Variants in GPC3 observed in about 807,000 individuals in gnomAD.
The protein encoded by GPC3 is glypican-3.
Under a neutral mutation model 34.4 loss-of-function variants are expected in GPC3, and 3 were observed. The observed-to-expected ratio is 0.09, with a 90% confidence interval of 0.04 to 0.23. The LOEUF (loss-of-function observed/expected upper bound fraction) is 0.23, where lower values mean the gene tolerates loss of function less well. GPC3 is among the 10% of genes least tolerant of loss of function. GPC3 has a pLI of 1.00. For synonymous variants in GPC3, 177 were observed against 174.0 expected (o/e 1.02, Z -0.13); for missense variants, 351 against 445.6 (o/e 0.79, Z 1.91).
chrX:133,561,820 C>T (rs2069540887), intron 7 of GPC3, among the ~76,000 whole-genome samples: 1 of 112,026 alleles, frequency 8.9e-6, no homozygotes, highest in Non-Finnish European at 1.9e-5. Context: ...GGAGCACTTG[C>T]AATGATGTCA....
intron 2 of GPC3, among the ~76,000 whole-genome samples, chrX:133,933,786 C>T (rs981631981): frequency 9.1e-6 from 1 of 110,478 alleles, no homozygotes; most frequent in African/African-American, 3.3e-5. Flanking sequence ...CTGAGGCCTC[C>T]CCAGAAACTG....
chrX:133,740,656 T>G (rs2071555401), intron 3 of GPC3, among the ~76,000 whole-genome samples: 1 of 111,602 alleles, frequency 9.0e-6, no homozygotes, highest in Admixed American at 9.5e-5. Flanking sequence ...CTTCCATGTA[T>G]GGAAAGAGAT....
At chrX:133,600,708 TGGATTTA>T (rs200466412) in intron 6 of GPC3, among the ~76,000 whole-genome samples, 1,791 of 110,531 alleles carry the variant, frequency 0.016, 32 homozygotes, top group African/African-American at 0.056. Flanking sequence ...CAGCAAGGAG[TGGATTTA>T]GGCAGCCTGG....
chrX:133,703,695 C>T (rs1293882385), intron 3 of GPC3, among the ~76,000 whole-genome samples: 4 of 111,856 alleles, frequency 3.6e-5, no homozygotes, highest in East Asian at 2.8e-4. Flanking sequence ...CTCCTGACCT[C>T]GTGATCCACC....
At chrX:133,780,103 C>T (rs935119714) in intron 2 of GPC3, among the ~76,000 whole-genome samples, 1 of 111,403 alleles carries the variant, frequency 9.0e-6, no homozygotes, top group Admixed American at 9.6e-5. Flanking sequence ...GACCTAGACG[C>T]CATGCTAGGA....
At chrX:133,897,828 C>T (rs1332333197) in intron 2 of GPC3, among the ~76,000 whole-genome samples, 1 of 111,869 alleles carries the variant, frequency 8.9e-6, no homozygotes, top group East Asian at 2.8e-4. Context: ...CTAATCCAGA[C>T]ATTGAAACAC....
chrX:133,627,350 A>C (rs907462155), intron 6 of GPC3, among the ~76,000 whole-genome samples: 1 of 111,776 alleles, frequency 8.9e-6, no homozygotes, highest in African/African-American at 3.3e-5. Flanking sequence ...TATTTGGCTA[A>C]AATCTTAGGT....
At chrX:133,882,118 G>A (rs745788694) in intron 2 of GPC3, among the ~76,000 whole-genome samples, 1 of 111,793 alleles carries the variant, frequency 8.9e-6, no homozygotes, top group Non-Finnish European at 1.9e-5. Context: ...TCCTTTAGTC[G>A]GAGGACCAAG....
intron 5 of GPC3, among the ~76,000 whole-genome samples, chrX:133,662,561 G>A (rs1416792277): frequency 8.9e-6 from 1 of 112,257 alleles, no homozygotes; most frequent in East Asian, 2.8e-4. Flanking sequence ...TAAAGTACTA[G>A]GCAATTCTGC....
chrX:133,742,027 A>G (rs1324336144), intron 3 of GPC3, among the ~76,000 whole-genome samples: 3 of 112,785 alleles, frequency 2.7e-5, no homozygotes, highest in African/African-American at 9.7e-5. Context: ...ATCCTTTTTA[A>G]GAGTTTTCTA....
intron 2 of GPC3, among the ~76,000 whole-genome samples, chrX:133,901,870 TC>T (rs1419397329): frequency 1.8e-5 from 2 of 112,142 alleles, no homozygotes; most frequent in Non-Finnish European, 3.8e-5. Flanking sequence ...AAAACGTTTT[TC>T]CCCGTTGGAA....
Position 133,903,511 on chromosome X carries a change from C to A in GPC3, c.337+49539G>T, listed in dbSNP as rs1443223793. Among the ~76,000 whole-genome samples the A allele has an allele frequency of 3.6e-5, 4 of 111,790 alleles. No homozygotes were observed. The East Asian group carries it at 1.1e-3, about 31-fold the overall frequency. ...GGCTGAGGTAGGAGAATTGCTTGAACCCGGGAGGCGGAAGTGGCAGTCAGC... is the reference window on the plus strand; with the variant it reads ...GGCTGAGGTAGGAGAATTGCTTGAAACCGGGAGGCGGAAGTGGCAGTCAGC... On this transcript the variant is annotated intron_variant, in intron 2 of 7. Transcript: ENST00000370818.
intron 7 of GPC3, among the ~76,000 whole-genome samples, chrX:133,547,700 T>C (rs2069398355): frequency 9.0e-6 from 1 of 110,675 alleles, no homozygotes; most frequent in East Asian, 2.8e-4. Flanking sequence ...AGACAGGGTC[T>C]GGCTCTGTTG....
chrX:133,643,812 G>C (rs1243587905), intron 6 of GPC3, among the ~76,000 whole-genome samples: 2 of 107,211 alleles, frequency 1.9e-5, no homozygotes, highest in African/African-American at 7.2e-5. Context: ...ATGGACATTT[G>C]GATTGCTTTT....
chrX:133,592,381 T>G (rs7050231), intron 7 of GPC3, among the ~76,000 whole-genome samples: 1,377 of 101,499 alleles, frequency 0.014, 36 homozygotes, highest in African/African-American at 0.048. Context: ...ACACCTCCAG[T>G]ATAAATTTTC....
At position 133,951,034 on chromosome X, in the gene GPC3, C is replaced by G. The variant is rs1198309839; in HGVS notation, c.337+2016G>C. Among the ~76,000 whole-genome samples the G allele has an allele frequency of 9.1e-5, 9 of 98,476 alleles. No individual in the cohort carries two copies. In the Admixed American group the frequency reaches 9.2e-4, roughly 10 times the overall value. The allele number at this position is 98,476 out of a possible 115,157, so 85.5% of individuals were successfully genotyped here. On this transcript the variant is annotated intron_variant, in intron 2 of 7. Transcript: ENST00000370818. ...CTAGGGTTGTCCTTCTGTCTATCCC[C>G]ACAATTCAAGAAAGTGTGTGTGTGT...
chrX:133,866,432 T>C (rs778452478), intron 2 of GPC3, among the ~76,000 whole-genome samples: 6 of 112,008 alleles, frequency 5.4e-5, no homozygotes, highest in Non-Finnish European at 1.1e-4. Context: ...AGTGAATATT[T>C]AATTTTGAAG....
intron 2 of GPC3, among the ~76,000 whole-genome samples, chrX:133,767,707 C>T (rs1201427934): frequency 1.8e-5 from 2 of 110,097 alleles, no homozygotes; most frequent in Non-Finnish European, 3.8e-5. Context: ...CGGAAGCAGG[C>T]GAAGACTTAA....
intron 2 of GPC3, among the ~76,000 whole-genome samples, chrX:133,830,636 C>T (rs1014229641): frequency 3.1e-5 from 3 of 98,129 alleles, no homozygotes; most frequent in Non-Finnish European, 6.1e-5. Context: ...TAAGACCATG[C>T]CACTGCACTC....
Sources: allele counts gnomAD v4.1 joint callset (sites outside exome capture counted in the v4.1 genomes callset), GRCh38; gene constraint gnomAD v4.1.1; transcripts MANE v1.5; gene names NCBI Gene and HGNC (gene_info 2026-07-23, HGNC 2026-07-21).